The following CSTPP1 variants were observed in gnomAD, a reference collection of about 807,000 sequenced individuals.
CSTPP1 encodes the protein centriolar satellite-associated tubulin polyglutamylase complex regulator 1.
the CSTPP1 span, chr11:47,041,752 T>C: frequency 2.1e-5 from 11 of 533,240 alleles, 1 homozygote; most frequent in African/African-American, 2.0e-4. Flanking sequence ...TGAGAACTTC[T>C]GGTCAAAACC....
the CSTPP1 span, among the ~76,000 whole-genome samples, chr11:47,092,516 A>G: frequency 1.3e-5 from 2 of 152,222 alleles, no homozygotes; most frequent in Non-Finnish European, 2.9e-5. Flanking sequence ...GCTAACTAAT[A>G]TGTCACCATA....
the CSTPP1 span, among the ~76,000 whole-genome samples, chr11:47,074,374 G>A: frequency 5.4e-3 from 824 of 151,240 alleles, 2 homozygotes; most frequent in African/African-American, 0.019. Context: ...AGTGGCTCAC[G>A]CCTCTGGCCC....
At chr11:47,001,617 G>A in the CSTPP1 span, among the ~76,000 whole-genome samples, 5 of 151,540 alleles carry the variant, frequency 3.3e-5, no homozygotes, top group Admixed American at 6.6e-5. Context: ...AACTTAAAAC[G>A]TAACTCTAAT....
the CSTPP1 span, among the ~76,000 whole-genome samples, chr11:46,994,207 A>T: frequency 6.6e-6 from 1 of 152,090 alleles, no homozygotes; most frequent in Non-Finnish European, 1.5e-5. Flanking sequence ...TAAATATATA[A>T]TCATGTCATC....
At chr11:47,057,344 T>C in the CSTPP1 span, among the ~76,000 whole-genome samples, 1 of 152,208 alleles carries the variant, frequency 6.6e-6, no homozygotes, top group Admixed American at 6.6e-5. Flanking sequence ...AAGTGCCTTC[T>C]CCAAGTTTAT....
the CSTPP1 span, among the ~76,000 whole-genome samples, chr11:47,091,461 G>C: frequency 3.3e-5 from 5 of 152,132 alleles, no homozygotes; most frequent in African/African-American, 1.2e-4. Flanking sequence ...CCTCCATCCA[G>C]GTTTACTATC....
chr11:46,978,142 T>C, the CSTPP1 span, among the ~76,000 whole-genome samples: 1 of 152,178 alleles, frequency 6.6e-6, no homozygotes, highest in Non-Finnish European at 1.5e-5. Flanking sequence ...GTCCTGAGTG[T>C]TAAAGGAAAT....
chr11:47,082,693 G>A, the CSTPP1 span, among the ~76,000 whole-genome samples: 10 of 151,628 alleles, frequency 6.6e-5, no homozygotes, highest in Non-Finnish European at 1.3e-4. Context: ...AAAATACCCC[G>A]TACACATTAG....
the CSTPP1 span, among the ~76,000 whole-genome samples, chr11:47,116,451 A>C: frequency 2.0e-5 from 3 of 151,962 alleles, no homozygotes; most frequent in Admixed American, 6.6e-5. Context: ...GTGGGAGTCT[A>C]AGTCTCTTTG....
the CSTPP1 span, among the ~76,000 whole-genome samples, chr11:47,118,649 T>G: frequency 6.6e-6 from 1 of 151,934 alleles, no homozygotes; most frequent in Non-Finnish European, 1.5e-5. Flanking sequence ...GTAGATGACC[T>G]TTTGGTTGAT....
chr11:46,995,957 G>T, the CSTPP1 span, among the ~76,000 whole-genome samples: 1 of 152,106 alleles, frequency 6.6e-6, no homozygotes, highest in African/African-American at 2.4e-5. Flanking sequence ...GAATCTGGGT[G>T]CTCCTGTATT....
the CSTPP1 span, among the ~76,000 whole-genome samples, chr11:47,027,932 T>TC: frequency 5.3e-5 from 8 of 150,030 alleles, no homozygotes; most frequent in African/African-American, 1.7e-4. Flanking sequence ...TTTTTCTTTT[T>TC]TTTTTTTTTG....
chr11:47,042,567 G>A, the CSTPP1 span, among the ~76,000 whole-genome samples: 1 of 151,750 alleles, frequency 6.6e-6, no homozygotes, highest in Non-Finnish European at 1.5e-5. Context: ...AATTCTTTGT[G>A]CTATTATAAC....
the CSTPP1 span, among the ~76,000 whole-genome samples, chr11:46,994,987 T>C: frequency 6.6e-6 from 1 of 152,240 alleles, no homozygotes; most frequent in Non-Finnish European, 1.5e-5. Flanking sequence ...ATTCAACTTC[T>C]TCCTGGTTTA....
At chr11:47,049,510 T>G in the CSTPP1 span, among the ~76,000 whole-genome samples, 2 of 151,860 alleles carry the variant, frequency 1.3e-5, no homozygotes, top group African/African-American at 2.4e-5. Flanking sequence ...TGATGATGCC[T>G]GCCTTTGGTC....
At chr11:47,153,237 C>T in the CSTPP1 span, among the ~76,000 whole-genome samples, 1 of 152,162 alleles carries the variant, frequency 6.6e-6, no homozygotes, top group African/African-American at 2.4e-5. Context: ...TGGCACTGCA[C>T]TTAGTCCTGT....
At chr11:47,039,180 G>A in the CSTPP1 span, among the ~76,000 whole-genome samples, 2 of 127,426 alleles carry the variant, frequency 1.6e-5, no homozygotes, top group South Asian at 2.5e-4. Context: ...GTAGCGAGCC[G>A]AGGTCACGCC....
the CSTPP1 span, among the ~76,000 whole-genome samples, chr11:47,047,990 A>C: frequency 6.6e-6 from 1 of 152,234 alleles, no homozygotes; most frequent in Non-Finnish European, 1.5e-5. Context: ...GCTGTTTTTT[A>C]AAAAGGAAAA....
chr11:47,133,413 G>T, the CSTPP1 span, among the ~76,000 whole-genome samples: 1 of 152,178 alleles, frequency 6.6e-6, no homozygotes, highest in Non-Finnish European at 1.5e-5. Flanking sequence ...ATTGTGGGGG[G>T]ATCTAGAGAA....
Sources: gnomAD v4.1 joint callset for allele counts (sites outside exome capture counted in the v4.1 genomes callset) on GRCh38, gnomAD v4.1.1 for gene constraint, MANE v1.5 for transcripts, NCBI Gene and HGNC (gene_info 2026-07-23, HGNC 2026-07-21) for gene names.